The following TBCK variants were observed in gnomAD, a reference collection of about 807,000 sequenced individuals.
TBCK encodes TBC domain-containing protein kinase-like protein.
In TBCK, 99 loss-of-function variants were observed where a neutral mutation model predicts 113.4. The observed-to-expected ratio is 0.87, with a 90% CI of 0.74 to 1.03. The LOEUF (loss-of-function observed/expected upper bound fraction) is 1.03, where lower values mean the gene tolerates loss of function less well. Among genes scored for constraint, TBCK ranks in the 50% least tolerant of loss-of-function variants. TBCK has a pLI of 0.00. For synonymous variants in TBCK, 369 were observed against 370.8 expected, an observed-to-expected ratio of 1.00 and a Z score of 0.05; for missense variants, 1,045 against 1,061.3, an observed-to-expected ratio of 0.98 and a Z score of 0.21.
At chr4:106,245,617 A>G (rs1760709214) in intron 10 of TBCK, among the ~76,000 whole-genome samples, 1 of 152,174 alleles carries the variant, frequency 6.6e-6, no homozygotes, top group Non-Finnish European at 1.5e-5. Context: ...GTATGCCATG[A>G]CTGGCAGATT....
chr4:106,296,048 G>C (rs1208714584), intron 2 of TBCK, among the ~76,000 whole-genome samples: 2 of 152,138 alleles, frequency 1.3e-5, no homozygotes, highest in Non-Finnish European at 2.9e-5. Flanking sequence ...AACAGTGGTA[G>C]ACATGATCAA....
chr4:106,287,543 G>A (rs1765236524), intron 3 of TBCK, among the ~76,000 whole-genome samples: 2 of 152,136 alleles, frequency 1.3e-5, no homozygotes, highest in East Asian at 1.9e-4. Flanking sequence ...AAACTAACAG[G>A]ATATTGCATT....
At chr4:106,064,084 C>T (rs982549447) in intron 25 of TBCK, among the ~76,000 whole-genome samples, 2 of 151,828 alleles carry the variant, frequency 1.3e-5, no homozygotes, top group East Asian at 3.9e-4. Flanking sequence ...CCTCATATTA[C>T]CACAACACAA....
chr4:106,067,320 T>C (rs920787027), intron 25 of TBCK, among the ~76,000 whole-genome samples: 1 of 152,186 alleles, frequency 6.6e-6, no homozygotes, highest in African/African-American at 2.4e-5. Context: ...CATTTCTTAA[T>C]ATCGTTGTCT....
chr4:106,210,977 TA>T (rs1403188040), intron 20 of TBCK, among the ~76,000 whole-genome samples: 1 of 152,124 alleles, frequency 6.6e-6, no homozygotes, highest in African/African-American at 2.4e-5. Context: ...CATTATTTTT[TA>T]AAGAGATGAA....
intron 19 of TBCK, among the ~76,000 whole-genome samples, chr4:106,226,898 G>C (rs1215379864): frequency 2.0e-5 from 3 of 152,084 alleles, no homozygotes; most frequent in Admixed American, 6.5e-5. Context: ...ATAAGGTACA[G>C]GACACAACCT....
At chr4:106,186,488 T>A (rs538670294) in intron 22 of TBCK, among the ~76,000 whole-genome samples, 1 of 152,314 alleles carries the variant, frequency 6.6e-6, no homozygotes, top group Non-Finnish European at 1.5e-5. Flanking sequence ...TGATTAGTGA[T>A]GTTGAACATT....
chr4:106,271,127 C>A (rs1315546775), intron 3 of TBCK, among the ~76,000 whole-genome samples: 1 of 152,100 alleles, frequency 6.6e-6, no homozygotes, highest in Non-Finnish European at 1.5e-5. Context: ...AACCAGATCA[C>A]CTTGAATTAG....
chr4:106,296,351 T>C (rs1384948343), intron 2 of TBCK, among the ~76,000 whole-genome samples: 2 of 152,008 alleles, frequency 1.3e-5, no homozygotes, highest in Admixed American at 6.6e-5. Context: ...ACACAAAGAC[T>C]GAGACTAGAT....
At chr4:106,289,763 G>A (rs374251857) in intron 3 of TBCK, among the ~76,000 whole-genome samples, 11 of 140,106 alleles carry the variant, frequency 7.9e-5, no homozygotes, top group African/African-American at 3.0e-4. Flanking sequence ...GCGAGACTCT[G>A]TCTCAAAAAA....
chr4:106,316,523 A>G (rs1355413722), upstream of TBCK: 10 of 1,551,452 alleles, frequency 6.4e-6, no homozygotes, highest in East Asian at 2.4e-5. Flanking sequence ...TCTCACTGCT[A>G]TAGTACGCGG....
intron 2 of TBCK, among the ~76,000 whole-genome samples, chr4:106,297,316 C>T (rs1311214656): frequency 6.6e-6 from 1 of 152,086 alleles, no homozygotes; most frequent in African/African-American, 2.4e-5. Context: ...AAAGTCTGTC[C>T]CCTTTAATAC....
chr4:106,108,823 C>T (rs1040477869), intron 24 of TBCK, among the ~76,000 whole-genome samples: 1 of 152,104 alleles, frequency 6.6e-6, no homozygotes, highest in South Asian at 2.1e-4. Flanking sequence ...CAAACTATCT[C>T]TGTAGATGAC....
chr4:106,312,329 C>A (rs1284958870), intron 1 of TBCK, among the ~76,000 whole-genome samples: 1 of 152,048 alleles, frequency 6.6e-6, no homozygotes, highest in African/African-American at 2.4e-5. Context: ...CATATTTTCA[C>A]ACAAGGCATG....
At chr4:106,284,106 C>T (rs1249232919) in intron 3 of TBCK, among the ~76,000 whole-genome samples, 2 of 152,028 alleles carry the variant, frequency 1.3e-5, no homozygotes, top group Non-Finnish European at 2.9e-5. Flanking sequence ...TTAAACAAAA[C>T]ATGTAAAACA....
At chr4:106,072,585 CTT>C (rs1737607756) in intron 25 of TBCK, among the ~76,000 whole-genome samples, 1 of 152,120 alleles carries the variant, frequency 6.6e-6, no homozygotes, top group Non-Finnish European at 1.5e-5. Context: ...TGGGGTTGCT[CTT>C]CTCAAGGAGT....
At chr4:106,255,360 C>T (rs904218471) in intron 5 of TBCK, among the ~76,000 whole-genome samples, 4 of 152,196 alleles carry the variant, frequency 2.6e-5, no homozygotes, top group Admixed American at 1.3e-4. Context: ...CTGGATGCCA[C>T]GCGGCCAAGG....
At chr4:106,188,199 G>A (rs1242325284) in intron 22 of TBCK, among the ~76,000 whole-genome samples, 2 of 152,008 alleles carry the variant, frequency 1.3e-5, no homozygotes, top group African/African-American at 4.8e-5. Flanking sequence ...CTCACAGATG[G>A]CTCTTATTAT....
intron 25 of TBCK, among the ~76,000 whole-genome samples, chr4:106,057,548 C>G (rs1341202595): frequency 6.6e-6 from 1 of 151,658 alleles, no homozygotes; most frequent in Non-Finnish European, 1.5e-5. Flanking sequence ...GCTTTATCAG[C>G]AGCCAAACTG....
Sources: gnomAD v4.1 joint callset for allele counts (sites outside exome capture counted in the v4.1 genomes callset) on GRCh38, gnomAD v4.1.1 for gene constraint, MANE v1.5 for transcripts, NCBI Gene and HGNC (gene_info 2026-07-23, HGNC 2026-07-21) for gene names.